PTPRC: variants seen among roughly 807,000 people sequenced by gnomAD.
PTPRC encodes receptor-type tyrosine-protein phosphatase C.
A neutral mutation model predicts 155.9 loss-of-function variants in PTPRC; 44 were observed. The observed-to-expected ratio is 0.28, with a 90% CI of 0.22 to 0.36. The LOEUF is 0.36. PTPRC is among the 10% of genes least tolerant of loss of function. The probability of loss-of-function intolerance (pLI) is 1.00; values close to 1 mark genes in which losing one functional copy is unlikely to be tolerated. For synonymous variants in PTPRC, 525 were observed against 533.1 expected, an observed-to-expected ratio of 0.98 and a Z score of 0.21; for missense variants, 1,401 against 1,564.6, an observed-to-expected ratio of 0.90 and a Z score of 1.76.
chr1:198,738,807 A>G (rs1654767868), intron 23 of PTPRC, among the ~76,000 whole-genome samples: 1 of 151,668 alleles, frequency 6.6e-6, no homozygotes, highest in Non-Finnish European at 1.5e-5. Flanking sequence ...GAAACTTTTC[A>G]TGACAACCTC....
At position 198,729,065 on chromosome 1, in the gene PTPRC, A is replaced by C. The variant is rs1654270732; in HGVS notation, c.1830-72A>C. 6 of 1,527,654 alleles carry C rather than the reference A, an allele frequency of 3.9e-6. No homozygotes were observed. The African/African-American group carries it at 4.1e-5, about 11-fold the overall frequency. 94.6% of individuals were successfully genotyped at this position (1,527,654 alleles called of 1,614,324 possible). A position where few individuals can be genotyped will look rare whatever the true frequency, so the allele number is the denominator to read the frequency against. On this transcript the variant is annotated intron_variant, in intron 16 of 32. Transcript: ENST00000442510. ...CTTTGTTCCTTCAATATATTCATTA[A>C]ATATAAGTAAAATACCAATTGAATT...
intron 2 of PTPRC, among the ~76,000 whole-genome samples, chr1:198,677,880 G>A (rs1270087816): frequency 6.6e-6 from 1 of 151,920 alleles, no homozygotes; most frequent in Non-Finnish European, 1.5e-5. Flanking sequence ...GGCTGAGCTA[G>A]GATTCAAAAC....
At chr1:198,748,232 G>A (rs12047000) in intron 27 of PTPRC, 33 bp downstream of exon 27, 1 of 1,576,174 alleles carries the variant, frequency 6.3e-7, no homozygotes, top group Non-Finnish European at 8.6e-7. Flanking sequence ...TTTTGTATCA[G>A]ATAAAGTTAA....
chr1:198,662,674 G>A (rs1405290212), intron 2 of PTPRC, among the ~76,000 whole-genome samples: 3 of 152,052 alleles, frequency 2.0e-5, no homozygotes, highest in Non-Finnish European at 4.4e-5. Flanking sequence ...CCATATTCTG[G>A]ATACTCCTGC....
At chr1:198,684,895 TGTTCTAG>T (rs1249575022) in intron 2 of PTPRC, among the ~76,000 whole-genome samples, 1 of 152,062 alleles carries the variant, frequency 6.6e-6, no homozygotes, top group East Asian at 1.9e-4. Flanking sequence ...TTAGAGGCTT[TGTTCTAG>T]TGTTTCTTGG....
chr1:198,734,301 A>G, intron 21 of PTPRC, 27 bp from the exon 22 acceptor site: 1 of 1,610,180 alleles, frequency 6.2e-7, no homozygotes, highest in Non-Finnish European at 8.5e-7. Context: ...AATTTTTCTT[A>G]TCAGCTTTTA....
chr1:198,648,441 A>G (rs1663054243), intron 2 of PTPRC, among the ~76,000 whole-genome samples: 1 of 151,746 alleles, frequency 6.6e-6, no homozygotes, highest in South Asian at 2.1e-4. Context: ...ACCAGATTCT[A>G]GATTTTCCAC....
rs543603061 is a variant in PTPRC at position 198,754,167 on chromosome 1, A to G, written c.3510-102A>G. The stretch of plus-strand genomic sequence containing the variant: ...GGTTGGAATAAGATAATTATGATAA[A>G]CATGAAGCAAAAAATATATTCTCTC... On this transcript the variant is annotated intron_variant, in intron 31 of 32. Transcript: ENST00000442510. 29 of 1,372,266 alleles carry G rather than the reference A, an allele frequency of 2.1e-5. No individual in the cohort carries two copies. In the African/African-American group the frequency reaches 3.6e-4, roughly 17 times the overall value. 85.0% of individuals were successfully genotyped at this position (1,372,266 alleles called of 1,614,324 possible). A position where few individuals can be genotyped will look rare whatever the true frequency, so the allele number is the denominator to read the frequency against.
In PTPRC at chr1:198,639,449, G is replaced by A. The variant is rs1401505336; in HGVS notation, c.73+108G>A. On this transcript the variant is annotated intron_variant, in intron 2 of 32. Coordinates refer to ENST00000442510, the MANE Select transcript of PTPRC (RefSeq NM_002838.5). ...ATGTGTTGGTAACTGGAAGTGAGAAGCCTGCTGTAAACCATCAAGATTGTT... is the reference window on the plus strand; with the variant it reads ...ATGTGTTGGTAACTGGAAGTGAGAAACCTGCTGTAAACCATCAAGATTGTT... 5.9e-6 allele frequency: 5 copies of A among 850,530 alleles called. No individual in the cohort carries two copies. The African/African-American group carries it at 8.5e-5, about 14-fold the overall frequency. 52.7% of individuals were successfully genotyped at this position (850,530 alleles called of 1,614,324 possible).
intron 15 of PTPRC, among the ~76,000 whole-genome samples, chr1:198,723,570 T>C (rs151079788): frequency 1.2e-3 from 183 of 152,328 alleles, no homozygotes; most frequent in African/African-American, 4.3e-3. Flanking sequence ...ATAATATCTT[T>C]ATAATAAAAA....
intron 3 of PTPRC, chr1:198,693,126 C>T (rs1666017556): frequency 2.3e-5 from 22 of 950,908 alleles, no homozygotes; most frequent in South Asian, 4.9e-5. Context: ...TGCACAATTC[C>T]AACTAACGTA....
chr1:198,659,621 G>C (rs963720423), intron 2 of PTPRC, among the ~76,000 whole-genome samples: 2 of 149,812 alleles, frequency 1.3e-5, no homozygotes, highest in African/African-American at 2.5e-5. Context: ...TGCAACCTAC[G>C]CTTCCCAGGT....
chr1:198,684,555 A>G (rs1003045080), intron 2 of PTPRC, among the ~76,000 whole-genome samples: 5 of 151,962 alleles, frequency 3.3e-5, no homozygotes, highest in Non-Finnish European at 7.4e-5. Context: ...GAAAGTTTAA[A>G]TAGTACCATA....
intron 6 of PTPRC, among the ~76,000 whole-genome samples, 156 bp downstream of exon 6, chr1:198,702,686 C>G (rs532428569): frequency 1.4e-4 from 22 of 152,170 alleles, no homozygotes; most frequent in Non-Finnish European, 3.1e-4. Flanking sequence ...GCAAAAGAAA[C>G]TTGCCAGTAA....
intron 4 of PTPRC, 53 bp downstream of exon 4, chr1:198,696,962 T>G (rs1666235436): frequency 4.1e-6 from 6 of 1,470,528 alleles, no homozygotes; most frequent in Non-Finnish European, 5.7e-6. Context: ...ATTTAGAAAA[T>G]TCTACAGTTA....
At chr1:198,681,222 A>G (rs1186777804) in intron 2 of PTPRC, among the ~76,000 whole-genome samples, 2 of 152,134 alleles carry the variant, frequency 1.3e-5, no homozygotes, top group Admixed American at 6.5e-5. Context: ...TTATTTTAAT[A>G]TTTTCTATCT....
chr1:198,747,959 A>G, intron 26 of PTPRC, 150 bp from the exon 27 acceptor site: 1 of 1,155,084 alleles, frequency 8.7e-7, no homozygotes, highest in Non-Finnish European at 1.2e-6. Flanking sequence ...AAAAAAAATC[A>G]GAGGCAAACC....
chr1:198,721,314 C>A (rs888633588), intron 14 of PTPRC, among the ~76,000 whole-genome samples: 1 of 151,744 alleles, frequency 6.6e-6, no homozygotes, highest in Non-Finnish European at 1.5e-5. Context: ...TTTTGATGCT[C>A]TTCAGGTGGC....
intron 15 of PTPRC, among the ~76,000 whole-genome samples, chr1:198,727,756 T>G (rs1654204875): frequency 6.6e-6 from 1 of 152,134 alleles, no homozygotes; most frequent in Non-Finnish European, 1.5e-5. Flanking sequence ...TCTATGCCCT[T>G]TCCCTAGGAA....
Sources: gnomAD v4.1 joint callset for allele counts (sites outside exome capture counted in the v4.1 genomes callset) on GRCh38, gnomAD v4.1.1 for gene constraint, MANE v1.5 for transcripts, NCBI Gene and HGNC (gene_info 2026-07-23, HGNC 2026-07-21) for gene names.